AKAP6: variants seen among roughly 807,000 people sequenced by gnomAD.
The protein encoded by AKAP6 is A-kinase anchor protein 6.
In AKAP6, 58 loss-of-function variants were observed where a neutral mutation model predicts 188.5. That is an observed-to-expected ratio of 0.31 (90% CI 0.25 to 0.38). The LOEUF is 0.38. Ranked by LOEUF, AKAP6 falls within the 10% of genes least tolerant of loss-of-function variation. The probability of loss-of-function intolerance (pLI) is 1.00; values close to 1 mark genes in which losing one functional copy is unlikely to be tolerated. For synonymous variants in AKAP6, 989 were observed against 998.6 expected, an observed-to-expected ratio of 0.99 and a Z score of 0.18; for missense variants, 2,710 against 2,740.0, an observed-to-expected ratio of 0.99 and a Z score of 0.24.
At chr14:32,733,087 A>T in intron 10 of AKAP6, 1 of 164,848 alleles carries the variant, frequency 6.1e-6, no homozygotes, top group Non-Finnish European at 1.3e-5. Flanking sequence ...CCAAATCTGA[A>T]TTGCAGAATT....
intron 9 of AKAP6, among the ~76,000 whole-genome samples, chr14:32,723,571 G>GTA (rs1206171984): frequency 6.6e-6 from 1 of 151,684 alleles, no homozygotes; most frequent in African/African-American, 2.4e-5. Context: ...GTGTGTGTGT[G>GTA]TGTGTGTGTG....
At chr14:32,481,577 C>T (rs371994012) in intron 2 of AKAP6, among the ~76,000 whole-genome samples, 1 of 152,054 alleles carries the variant, frequency 6.6e-6, no homozygotes, top group African/African-American at 2.4e-5. Context: ...TTTATAAAAC[C>T]GTCAGATCTT....
intron 11 of AKAP6, among the ~76,000 whole-genome samples, chr14:32,764,933 CT>C (rs571680392): frequency 0.24 from 29,377 of 124,440 alleles, 2,412 homozygotes; most frequent in African/African-American, 0.38. Context: ...TCAAGTGAAT[CT>C]TTTTTTTTTT....
intron 9 of AKAP6, among the ~76,000 whole-genome samples, chr14:32,710,321 C>T (rs1177141023): frequency 1.3e-5 from 2 of 151,964 alleles, no homozygotes; most frequent in Non-Finnish European, 2.9e-5. Context: ...TTGGAGCATA[C>T]ACAATATGAC....
intron 2 of AKAP6, among the ~76,000 whole-genome samples, chr14:32,439,355 C>T (rs1890492324): frequency 6.6e-6 from 1 of 152,152 alleles, no homozygotes; most frequent in Non-Finnish European, 1.5e-5. Flanking sequence ...AGAGGATTCT[C>T]TGTCACCATG....
chr14:32,505,236 G>T (rs961018312), intron 2 of AKAP6, among the ~76,000 whole-genome samples: 17 of 151,754 alleles, frequency 1.1e-4, no homozygotes, highest in Non-Finnish European at 5.9e-5. Context: ...TTAATTATCA[G>T]TTGGTTCTTT....
chr14:32,793,083 A>G (rs1261479562), intron 12 of AKAP6, among the ~76,000 whole-genome samples: 1 of 152,194 alleles, frequency 6.6e-6, no homozygotes, highest in Non-Finnish European at 1.5e-5. Flanking sequence ...ACACTGAAGT[A>G]CACAGACCAG....
At chr14:32,750,283 T>C (rs993623323) in intron 11 of AKAP6, among the ~76,000 whole-genome samples, 3 of 152,172 alleles carry the variant, frequency 2.0e-5, no homozygotes, top group African/African-American at 7.2e-5. Flanking sequence ...GAGCTTTTTT[T>C]TCCTGTGTCC....
chr14:32,535,423 C>A, intron 2 of AKAP6, 131 bp from the exon 3 acceptor site: 1 of 1,088,176 alleles, frequency 9.2e-7, no homozygotes, highest in Non-Finnish European at 1.3e-6. Flanking sequence ...AAACAAAGGC[C>A]CCAGGTATCC....
intron 2 of AKAP6, among the ~76,000 whole-genome samples, chr14:32,533,773 A>T (rs748420750): frequency 3.9e-5 from 6 of 152,198 alleles, no homozygotes; most frequent in Non-Finnish European, 7.3e-5. Context: ...GATAGCAGTG[A>T]GAGCCCTGCT....
chr14:32,516,931 A>T (rs2139043326), intron 2 of AKAP6, among the ~76,000 whole-genome samples: 1 of 152,324 alleles, frequency 6.6e-6, no homozygotes, highest in Middle Eastern at 3.4e-3. Context: ...CACATACAAG[A>T]TGAGCAAAGA....
intron 2 of AKAP6, among the ~76,000 whole-genome samples, chr14:32,517,544 T>A (rs1266882879): frequency 6.6e-6 from 1 of 152,194 alleles, no homozygotes; most frequent in Admixed American, 6.5e-5. Flanking sequence ...ACCAGGAGAT[T>A]ATATCCTGCT....
intron 1 of AKAP6, among the ~76,000 whole-genome samples, chr14:32,350,294 G>A (rs1006988815): frequency 2.0e-5 from 3 of 152,194 alleles, no homozygotes; most frequent in African/African-American, 7.2e-5. Context: ...GTGATGTGGT[G>A]AGAAGAGTAC....
At chr14:32,697,612 C>T (rs1025153487) in intron 9 of AKAP6, among the ~76,000 whole-genome samples, 4 of 152,054 alleles carry the variant, frequency 2.6e-5, no homozygotes, top group Non-Finnish European at 4.4e-5. Context: ...AAAAGGTTAC[C>T]TAACCATAAG....
chr14:32,531,509 A>G (rs984771494), intron 2 of AKAP6, among the ~76,000 whole-genome samples: 3 of 152,208 alleles, frequency 2.0e-5, no homozygotes, highest in Admixed American at 1.3e-4. Context: ...TTTAAAAATT[A>G]TCATACAGCA....
At chr14:32,406,201 T>C (rs1889287916) in intron 1 of AKAP6, among the ~76,000 whole-genome samples, 1 of 152,080 alleles carries the variant, frequency 6.6e-6, no homozygotes, top group South Asian at 2.1e-4. Context: ...TAGAATACAA[T>C]TTTTTGTTTG....
At chr14:32,800,056 TCTCTCTATATATATAGAA>T (rs1239716221) in intron 12 of AKAP6, among the ~76,000 whole-genome samples, 1 of 123,724 alleles carries the variant, frequency 8.1e-6, no homozygotes, top group Non-Finnish European at 1.7e-5. Flanking sequence ...TCTCTCTCTC[TCTCTCTATATATATAGAA>T]ATATATATAT....
At chr14:32,723,557 T>TGTG (rs35237019) in intron 9 of AKAP6, among the ~76,000 whole-genome samples, 7,252 of 141,054 alleles carry the variant, frequency 0.051, 231 homozygotes, top group East Asian at 0.12. Context: ...GCGTATGTGT[T>TGTG]TATGTGTGTG....
At chr14:32,452,273 A>G (rs1890968086) in intron 2 of AKAP6, among the ~76,000 whole-genome samples, 1 of 152,048 alleles carries the variant, frequency 6.6e-6, no homozygotes, top group South Asian at 2.1e-4. Context: ...AGCTCAAGCA[A>G]TCTGCCGACC....
Sources: allele counts gnomAD v4.1 joint callset (sites outside exome capture counted in the v4.1 genomes callset), GRCh38; gene constraint gnomAD v4.1.1; transcripts MANE v1.5; gene names NCBI Gene and HGNC (gene_info 2026-07-23, HGNC 2026-07-21).